Variants in DLG2 observed in about 807,000 individuals in gnomAD.
DLG2 encodes the protein discs large MAGUK scaffold protein 2.
In DLG2, 45 loss-of-function variants were observed where a neutral mutation model predicts 132.5. That is an observed-to-expected ratio of 0.34 (90% CI 0.27 to 0.44). DLG2 has a LOEUF of 0.44. Ranked by LOEUF, DLG2 falls within the 20% of genes least tolerant of loss-of-function variation. DLG2 has a pLI of 1.00. For synonymous variants in DLG2, 424 were observed against 419.6 expected (o/e 1.01, Z -0.13); for missense variants, 1,045 against 1,196.9 (o/e 0.87, Z 1.87).
At chr11:83,746,029 A>C (rs1211671423) in intron 18 of DLG2, among the ~76,000 whole-genome samples, 1 of 152,202 alleles carries the variant, frequency 6.6e-6, no homozygotes, top group Non-Finnish European at 1.5e-5. Context: ...ACAATGAGTT[A>C]CCATCTCACA....
chr11:84,887,293 G>T (rs1046342073), intron 6 of DLG2: 2 of 152,006 alleles, frequency 1.3e-5, no homozygotes, highest in Non-Finnish European at 2.9e-5. Flanking sequence ...AAGCAAAACA[G>T]CTTCCCTGAA....
chr11:83,999,259 G>A (rs566927476), intron 11 of DLG2, among the ~76,000 whole-genome samples: 28 of 152,156 alleles, frequency 1.8e-4, no homozygotes, highest in African/African-American at 6.0e-4. Flanking sequence ...TATCACCATT[G>A]GTAGGTGAAA....
chr11:83,673,667 C>G (rs2077211261), intron 18 of DLG2, among the ~76,000 whole-genome samples: 1 of 152,176 alleles, frequency 6.6e-6, no homozygotes, highest in African/African-American at 2.4e-5. Flanking sequence ...GCACCTAATA[C>G]AGTGTCTTGA....
rs191533929 is a variant in DLG2, at chr11:85,492,860, A to G, written c.40+105797T>C. On this transcript the variant is annotated intron_variant, in intron 3 of 27. Transcript: ENST00000376104. ...GACGGTTGATAGGGAGAAACATCAT[A>G]TTGTTAAGGTATAAAAAGAAAAAAT... is the stretch of plus-strand genomic sequence containing the variant. 8.9e-4 allele frequency among the ~76,000 whole-genome samples: 136 copies of G among 152,268 alleles called. No homozygotes were observed. In the Middle Eastern group the frequency reaches 0.01, roughly 11 times the overall value.
rs866733566 is a variant in DLG2 at position 83,591,341 on chromosome 11, G to A, written c.1940+41870C>T. On this transcript the variant is annotated intron_variant, in intron 19 of 27. Coordinates refer to ENST00000376104, the MANE Select transcript of DLG2 (RefSeq NM_001142699.3). ...GGGATGCAAGGCTGGTTCAATATAC[G>A]CAAATCAATAAATGTAATCCAGCAT... 9.9e-4 allele frequency among the ~76,000 whole-genome samples: 120 copies of A among 121,026 alleles called. No homozygotes were observed. In the Middle Eastern group the frequency reaches 0.019, roughly 19 times the overall value. 79.4% of individuals were successfully genotyped at this position (121,026 alleles called of 152,430 possible).
At chr11:85,479,121 G>A (rs2093222889) in intron 3 of DLG2, among the ~76,000 whole-genome samples, 1 of 152,192 alleles carries the variant, frequency 6.6e-6, no homozygotes, top group Non-Finnish European at 1.5e-5. Context: ...CAACAAAGGA[G>A]TCAGCATCAA....
Position 84,245,324 on chromosome 11 carries a change from G to A in DLG2, c.573+5914C>T, listed in dbSNP as rs540690297. ...ATCCAATGGCCTTTTCACATTGAAA[G>A]CACTCTGTAAAAATGTTGCTGATAT... On this transcript the variant is annotated intron_variant, in intron 8 of 27. Transcript: ENST00000376104. Among the ~76,000 whole-genome samples, 3 of 152,174 alleles carry A rather than the reference G, an allele frequency of 2.0e-5. No individual in the cohort carries two copies. The East Asian group carries it at 5.8e-4, about 29-fold the overall frequency.
chr11:85,456,610 A>G (rs2092431250), intron 3 of DLG2, among the ~76,000 whole-genome samples: 1 of 152,182 alleles, frequency 6.6e-6, no homozygotes, highest in Admixed American at 6.6e-5. Context: ...ATTTAGTGCT[A>G]TAAACTTCCC....
At chr11:85,249,052 A>T (rs1450496098) in intron 4 of DLG2, among the ~76,000 whole-genome samples, 2 of 152,088 alleles carry the variant, frequency 1.3e-5, no homozygotes, top group Non-Finnish European at 2.9e-5. Context: ...TAGCCACTAT[A>T]AGTATTAAAA....
At chr11:84,466,546 C>T (rs895566132) in intron 7 of DLG2, among the ~76,000 whole-genome samples, 10 of 151,268 alleles carry the variant, frequency 6.6e-5, no homozygotes, top group East Asian at 5.9e-4. Context: ...AAAAGATGTT[C>T]GGCATCACTG....
Position 83,963,017 on chromosome 11 carries a change from G to C in DLG2, c.1208C>G (p.Ser403Cys), listed in dbSNP as rs2089242801. The change falls in exon 14 of 28, where the codon TCT becomes TGT. Residue 403 changes from serine (S) to cysteine (C), a missense_variant. By Grantham distance (112) the Ser-to-Cys change is moderately radical. Transcript: ENST00000376104. ...GAGTAGATGGTTTTCCATTGGTGGA[G>C]AATAAGCTAAGAGGTGGGGGAAAAA... ...YGPPDITHSYSPPMENHLLSG... is the reference protein window; with the variant it reads ...YGPPDITHSYCPPMENHLLSG... 6.2e-7 allele frequency: 1 copy of C among 1,612,660 alleles called. No individual in the cohort carries two copies. Among genetic ancestry groups the C allele is most frequent in the Non-Finnish European group, 8.5e-7 (1 of 1,178,824 alleles).
chr11:85,156,792 T>C (rs931196044), intron 4 of DLG2, among the ~76,000 whole-genome samples: 4 of 152,212 alleles, frequency 2.6e-5, no homozygotes, highest in African/African-American at 9.6e-5. Context: ...AAAGGCTACC[T>C]GGTTGTCCTA....
chr11:84,893,732 G>A (rs1294665417), intron 6 of DLG2, among the ~76,000 whole-genome samples: 6 of 152,106 alleles, frequency 3.9e-5, no homozygotes, highest in Admixed American at 3.9e-4. Context: ...TTTGTTTCAA[G>A]CCACATAAAT....
chr11:85,064,954 T>C (rs1029964748), intron 6 of DLG2, among the ~76,000 whole-genome samples: 4 of 151,578 alleles, frequency 2.6e-5, no homozygotes, highest in Non-Finnish European at 4.4e-5. Flanking sequence ...GTGAAAAATA[T>C]TTTTATGTAT....
At chr11:83,621,813 G>A (rs546188482) in intron 19 of DLG2, among the ~76,000 whole-genome samples, 5 of 152,086 alleles carry the variant, frequency 3.3e-5, no homozygotes, top group African/African-American at 9.6e-5. Context: ...GTCCTAAGTC[G>A]GGGGTCAACA....
chr11:83,978,018 A>G (rs2092431628), intron 12 of DLG2, among the ~76,000 whole-genome samples: 1 of 152,032 alleles, frequency 6.6e-6, no homozygotes, highest in Non-Finnish European at 1.5e-5. Flanking sequence ...AGATCTGCTC[A>G]TTTTTACTCT....
intron 6 of DLG2, among the ~76,000 whole-genome samples, chr11:85,025,809 G>A (rs185235760): frequency 6.6e-6 from 1 of 151,690 alleles, no homozygotes; most frequent in African/African-American, 2.4e-5. Flanking sequence ...GTGGAACAAA[G>A]ATTAAAAATA....
intron 7 of DLG2, among the ~76,000 whole-genome samples, chr11:84,382,632 A>G (rs2098752720): frequency 1.3e-5 from 2 of 152,144 alleles, no homozygotes; most frequent in South Asian, 2.1e-4. Context: ...TATCATAACC[A>G]TTTGTCCTTA....
At chr11:84,166,044 G>T (rs17563429) in intron 8 of DLG2, among the ~76,000 whole-genome samples, 11,570 of 152,216 alleles carry the variant, frequency 0.076, 517 homozygotes, top group African/African-American at 0.11. Context: ...TTAGAGCACG[G>T]AATCACAGGA....
Sources: allele counts gnomAD v4.1 joint callset (sites outside exome capture counted in the v4.1 genomes callset), GRCh38; gene constraint gnomAD v4.1.1; transcripts MANE v1.5; gene names NCBI Gene and HGNC (gene_info 2026-07-23, HGNC 2026-07-21).